FBXW7: variants seen among roughly 807,000 people sequenced by gnomAD.
The protein encoded by FBXW7 is F-box/WD repeat-containing protein 7.
Under a neutral mutation model 86.3 loss-of-function variants are expected in FBXW7, and 11 were observed. The observed-to-expected ratio is 0.13, with a 90% CI of 0.08 to 0.21. FBXW7 has a LOEUF of 0.21. Ranked by LOEUF, FBXW7 falls within the 10% of genes least tolerant of loss-of-function variation. The pLI is 1.00. For missense variants in FBXW7, 488 were observed against 847.4 expected (o/e 0.58, Z 5.27); for synonymous variants, 313 against 297.9 (o/e 1.05, Z -0.52).
chr4:152,491,106 T>C (rs1745807019), intron 2 of FBXW7, among the ~76,000 whole-genome samples: 1 of 152,170 alleles, frequency 6.6e-6, no homozygotes, highest in Non-Finnish European at 1.5e-5. Flanking sequence ...ACTTTCCGGA[T>C]ATAGTTCCAG....
At chr4:152,473,451 T>A (rs1744133530) in intron 2 of FBXW7, among the ~76,000 whole-genome samples, 1 of 152,176 alleles carries the variant, frequency 6.6e-6, no homozygotes, top group African/African-American at 2.4e-5. Context: ...TTACATTTTT[T>A]AAAGCAGTAC....
intron 2 of FBXW7, among the ~76,000 whole-genome samples, chr4:152,505,128 C>A (rs1213924100): frequency 2.0e-5 from 3 of 151,922 alleles, no homozygotes; most frequent in Non-Finnish European, 4.4e-5. Context: ...AACTGTAGCA[C>A]AATGATATTA....
At chr4:152,329,860 GA>G in intron 9 of FBXW7, 75 bp from the exon 10 acceptor site, 1 of 755,278 alleles carries the variant, frequency 1.3e-6, no homozygotes, top group Non-Finnish European at 2.0e-6. Flanking sequence ...AGAGAAAAAT[GA>G]AGGCATAAAC....
chr4:152,512,087 T>C (rs899835569), intron 2 of FBXW7, among the ~76,000 whole-genome samples: 12 of 152,186 alleles, frequency 7.9e-5, no homozygotes, highest in Non-Finnish European at 1.2e-4. Context: ...TTTCTTTCAA[T>C]GGACCAAGGC....
At chr4:152,439,150 G>C (rs1740644015) in intron 2 of FBXW7, among the ~76,000 whole-genome samples, 1 of 152,148 alleles carries the variant, frequency 6.6e-6, no homozygotes, top group South Asian at 2.1e-4. Context: ...GCTTTAAACT[G>C]CTAGGCATTC....
In FBXW7 at chr4:152,514,886, G is replaced by A. The variant is rs1193444855; in HGVS notation, c.-120+20055C>T. 7.2e-5 allele frequency among the ~76,000 whole-genome samples: 11 copies of A among 152,136 alleles called. No homozygotes were observed. The East Asian group carries it at 2.0e-3, about 27-fold the overall frequency. On this transcript the variant is annotated intron_variant, in intron 2 of 13. Transcript: ENST00000281708. ...CAGCAACACAAAAAGAGACTAGGACGGGGGTATGTGACAGGTGAAAAGCCT... is the reference window on the plus strand; with the variant it reads ...CAGCAACACAAAAAGAGACTAGGACAGGGGTATGTGACAGGTGAAAAGCCT...
chr4:152,479,474 C>T (rs988768382), intron 2 of FBXW7, among the ~76,000 whole-genome samples: 1 of 152,224 alleles, frequency 6.6e-6, no homozygotes, highest in Non-Finnish European at 1.5e-5. Flanking sequence ...AATAGTCTCT[C>T]GCACACACAC....
At chr4:152,365,659 T>C (rs1193053679) in intron 4 of FBXW7, among the ~76,000 whole-genome samples, 2 of 152,152 alleles carry the variant, frequency 1.3e-5, no homozygotes, top group Non-Finnish European at 2.9e-5. Flanking sequence ...TTGTTTTTTG[T>C]TTTCTGGGGG....
intron 4 of FBXW7, 34 bp downstream of exon 4, chr4:152,411,269 T>C (rs2126875689): frequency 6.6e-7 from 1 of 1,517,016 alleles, no homozygotes. Flanking sequence ...ATATGTAAAG[T>C]TTCTCAGGTT....
intron 3 of FBXW7, among the ~76,000 whole-genome samples, 175 bp from the exon 4 acceptor site, chr4:152,412,047 A>G (rs190499140): frequency 2.6e-5 from 4 of 152,328 alleles, no homozygotes; most frequent in Admixed American, 6.5e-5. Context: ...TTTAAAAGTT[A>G]TAAGACTTTA....
intron 4 of FBXW7, among the ~76,000 whole-genome samples, chr4:152,392,130 T>C (rs2126811965): frequency 6.6e-6 from 1 of 152,284 alleles, no homozygotes; most frequent in East Asian, 1.9e-4. Context: ...CAAATTGTAT[T>C]CTCAAAGGTA....
At chr4:152,432,077 T>C (rs1739940825) in intron 2 of FBXW7, among the ~76,000 whole-genome samples, 1 of 152,234 alleles carries the variant, frequency 6.6e-6, no homozygotes, top group South Asian at 2.1e-4. Context: ...TGGTCTCAAA[T>C]GTGCTTCCTT....
At chr4:152,531,165 C>T (rs1189720686) in intron 2 of FBXW7, among the ~76,000 whole-genome samples, 2 of 152,172 alleles carry the variant, frequency 1.3e-5, no homozygotes, top group Admixed American at 6.5e-5. Flanking sequence ...TCCCACTGTC[C>T]TCACTAGTAA....
chr4:152,447,183 CAT>C (rs751135523), intron 2 of FBXW7, among the ~76,000 whole-genome samples: 9 of 152,190 alleles, frequency 5.9e-5, no homozygotes, highest in South Asian at 2.1e-4. Flanking sequence ...TTGAATACCA[CAT>C]GTGATGACAA....
chr4:152,481,178 A>ATTT (rs1419266962), intron 2 of FBXW7, among the ~76,000 whole-genome samples: 32 of 152,328 alleles, frequency 2.1e-4, no homozygotes, highest in Middle Eastern at 3.4e-3. Flanking sequence ...ATCATTCCAA[A>ATTT]AATTGTAGGG....
At chr4:152,530,938 T>C (rs72721638) in intron 2 of FBXW7, 2 of 152,326 alleles carry the variant, frequency 1.3e-5, no homozygotes, top group Admixed American at 6.5e-5. Flanking sequence ...AAAAATAGTT[T>C]GCCAACTCTT....
intron 4 of FBXW7, among the ~76,000 whole-genome samples, chr4:152,408,806 C>T (rs1476298512): frequency 2.0e-5 from 3 of 152,156 alleles, no homozygotes; most frequent in Admixed American, 1.3e-4. Context: ...TCTCTCATCA[C>T]GTAGTGTAAT....
At chr4:152,388,815 G>A (rs1735761638) in intron 4 of FBXW7, among the ~76,000 whole-genome samples, 1 of 152,028 alleles carries the variant, frequency 6.6e-6, no homozygotes, top group African/African-American at 2.4e-5. Flanking sequence ...GCAGGTTTAA[G>A]AGTACATTAC....
rs1298603072 is a variant in FBXW7 at position 152,535,296 on chromosome 4, G to C, written c.-382C>G. On this transcript the variant is annotated 5_prime_UTR_variant, in exon 1 of 14. Coordinates refer to ENST00000281708, the MANE Select transcript of FBXW7 (RefSeq NM_001349798.2). ...GGTCCCCCCCGGCCCCGCCGCCCTCGGGACTGGGGCGGGGGAGGGGGGCTC... is the reference window on the plus strand; with the variant it reads ...GGTCCCCCCCGGCCCCGCCGCCCTCCGGACTGGGGCGGGGGAGGGGGGCTC... 6.8e-6 allele frequency: 2 copies of C among 294,462 alleles called. No individual in the cohort carries two copies. The highest frequency in any genetic ancestry group is 1.3e-5 in the Non-Finnish European group (2 of 159,848). The allele number at this position is 294,462 out of a possible 1,614,324, so 18.2% of individuals were successfully genotyped here.
Sources: gnomAD v4.1 joint callset for allele counts (sites outside exome capture counted in the v4.1 genomes callset) on GRCh38, gnomAD v4.1.1 for gene constraint, MANE v1.5 for transcripts, NCBI Gene and HGNC (gene_info 2026-07-23, HGNC 2026-07-21) for gene names.